Variants in LYST observed in about 807,000 individuals in gnomAD.
LYST encodes the protein lysosomal trafficking regulator.
In LYST, 192 loss-of-function variants were observed where a neutral mutation model predicts 413.6. The ratio of observed to expected loss-of-function variants is 0.46; its 90% CI spans 0.41 to 0.52. LYST has a LOEUF of 0.52. Ranked by LOEUF, LYST falls within the 20% of genes least tolerant of loss-of-function variation. LYST has a pLI of 0.00. For missense variants in LYST, 3,815 were observed against 4,499.9 expected (o/e 0.85, Z 4.35); for synonymous variants, 1,525 against 1,567.3 (o/e 0.97, Z 0.64).
rs749457634 is a variant in LYST at position 235,806,407 on chromosome 1, C to T, written c.2729G>A (p.Ser910Asn). The T allele has an allele frequency of 2.0e-5, 33 of 1,613,912 alleles. No homozygotes were observed. The highest frequency in any genetic ancestry group is 2.7e-5 in the African/African-American group (2 of 74,904). ...CTCCCTGTCAGACTCTGCTTCTTTA[C>T]TTACGCATAAAAAAGCCACACAGAG... The part of the protein sequence containing the change: ...LFLCVAFLCV[S>N]KEAESDRESA... Residue 910 changes from serine (S) to asparagine (N), a missense_variant, in exon 6 of 53, where the codon AGT (serine) becomes AAT (asparagine). This residue lies in a region of LYST where 1,648 missense variants were observed against 1,810.3 expected (regional missense o/e 0.91). Coordinates refer to ENST00000389793, the MANE Select transcript of LYST (RefSeq NM_000081.4).
intron 2 of LYST, among the ~76,000 whole-genome samples, chr1:235,832,840 C>T (rs1676138526): frequency 6.6e-6 from 1 of 151,952 alleles, no homozygotes; most frequent in Admixed American, 6.6e-5. Flanking sequence ...TAGGTTTACT[C>T]CAAGGCGCTT....
At chr1:235,793,719 T>G (rs1483360973) in intron 10 of LYST, 107 bp from the exon 11 acceptor site, 4 of 625,414 alleles carry the variant, frequency 6.4e-6, no homozygotes, top group Non-Finnish European at 1.2e-5. Flanking sequence ...TTTGAATGGA[T>G]TATAAAAAAT....
intron 50 of LYST, among the ~76,000 whole-genome samples, chr1:235,673,382 C>T (rs1659116372): frequency 6.6e-6 from 1 of 152,128 alleles, no homozygotes; most frequent in Non-Finnish European, 1.5e-5. Context: ...TACCTCTGCC[C>T]CTCCAGGGAA....
chr1:235,838,205 A>C (rs1012621115), intron 1 of LYST, among the ~76,000 whole-genome samples: 2 of 152,216 alleles, frequency 1.3e-5, no homozygotes, highest in African/African-American at 4.8e-5. Context: ...GGAGGTGTTA[A>C]ACTGATGAGT....
At chr1:235,748,274 T>C (rs1666118534) in intron 28 of LYST, among the ~76,000 whole-genome samples, 1 of 152,168 alleles carries the variant, frequency 6.6e-6, no homozygotes, top group South Asian at 2.1e-4. Context: ...TGACTACTTC[T>C]ACCTTCATGC....
intron 47 of LYST, among the ~76,000 whole-genome samples, chr1:235,690,899 T>G (rs1039106568): frequency 6.7e-6 from 1 of 149,610 alleles, no homozygotes; most frequent in African/African-American, 2.5e-5. Context: ...CATGGTATTT[T>G]ACAGTTTACA....
intron 3 of LYST, among the ~76,000 whole-genome samples, chr1:235,823,067 T>C (rs1674936590): frequency 6.6e-6 from 1 of 152,222 alleles, no homozygotes; most frequent in African/African-American, 2.4e-5. Context: ...AAATCATTGT[T>C]TTATGCCACT....
rs532636881 is a variant in LYST, at chr1:235,725,391, G to A, written c.9163-1211C>T. Among the ~76,000 whole-genome samples, 34 of 152,094 alleles carry A rather than the reference G, an allele frequency of 2.2e-4. No homozygotes were observed. The South Asian group carries it at 6.7e-3, about 30-fold the overall frequency. On this transcript the variant is annotated intron_variant, in intron 38 of 52. Transcript: ENST00000389793. ...GGAGGTTTTGGTGAGCCGAGATCAC[G>A]CCACTGCACTCCAGCCTCAGTGACA... is the stretch of plus-strand genomic sequence containing the variant.
intron 1 of LYST, among the ~76,000 whole-genome samples, chr1:235,866,209 C>T (rs1196039131): frequency 6.6e-6 from 1 of 152,170 alleles, no homozygotes; most frequent in African/African-American, 2.4e-5. Context: ...AGTCAGGCTC[C>T]AGTGATACCG....
chr1:235,805,250 C>T (rs531637532), intron 6 of LYST, among the ~76,000 whole-genome samples: 25 of 152,272 alleles, frequency 1.6e-4, no homozygotes, highest in African/African-American at 6.0e-4. Flanking sequence ...TAGGAGAAGT[C>T]TCGTCCCAGC....
At position 235,693,473 on chromosome 1, in the gene LYST, C is replaced by G; in HGVS notation, c.10578G>C (p.Met3526Ile). ...TYSKEQGVRS[M>I]NSTDIQWSAI... is the part of the protein sequence containing the mutation. ...CTGACCACTGAATGTCCGTACTGTT[C>G]ATGCTTCTCACACCTCAAGGAGAAG... The change falls in exon 47 of 53, where the codon ATG becomes ATC. Residue 3526 changes from methionine (M) to isoleucine (I), a missense_variant. Coordinates refer to ENST00000389793, the MANE Select transcript of LYST (RefSeq NM_000081.4). 1.2e-6 allele frequency: 2 copies of G among 1,614,060 alleles called. No individual in the cohort carries two copies. The highest frequency in any genetic ancestry group is 1.7e-6 in the Non-Finnish European group (2 of 1,179,924).
intron 1 of LYST, among the ~76,000 whole-genome samples, chr1:235,863,489 C>T (rs570891213): frequency 1.9e-4 from 28 of 150,430 alleles, no homozygotes; most frequent in African/African-American, 6.1e-4. Context: ...GAACTTAAGC[C>T]GGCAACCAGA....
chr1:235,733,437 T>A, intron 34 of LYST, 66 bp downstream of exon 34: 1 of 1,367,408 alleles, frequency 7.3e-7, no homozygotes, highest in South Asian at 1.2e-5. Context: ...GGAATACAAA[T>A]TCCGTTTAAC....
In LYST at chr1:235,687,676, C is replaced by G. The variant is rs139772905; in HGVS notation, c.10702-629G>C. Among the ~76,000 whole-genome samples, 501 of 152,218 alleles carry G rather than the reference C, an allele frequency of 3.3e-3. 4 individuals carry two copies. The highest frequency in any genetic ancestry group is 4.4e-3 in the Non-Finnish European group (296 of 68,006). On this transcript the variant is annotated intron_variant, in intron 47 of 52. Coordinates refer to ENST00000389793, the MANE Select transcript of LYST (RefSeq NM_000081.4). The stretch of plus-strand genomic sequence containing the variant: ...GCTAGCTGACCCCCACCCTGAGCAC[C>G]ATGTCCGCAGCAACTGTCCCCAACT...
At chr1:235,728,199 A>G (rs1664064530) in intron 37 of LYST, 68 bp from the exon 38 acceptor site, 3 of 1,127,090 alleles carry the variant, frequency 2.7e-6, no homozygotes, top group Non-Finnish European at 4.1e-6. Flanking sequence ...GGTTTAATGC[A>G]TGGTCTCTGG....
chr1:235,825,413 A>G (rs964592814), intron 3 of LYST, among the ~76,000 whole-genome samples: 17 of 152,232 alleles, frequency 1.1e-4, no homozygotes, highest in Admixed American at 9.8e-4. Flanking sequence ...TCATTCACAG[A>G]TGACATCATT....
intron 40 of LYST, among the ~76,000 whole-genome samples, chr1:235,717,999 G>A (rs1429067270): frequency 6.6e-6 from 1 of 151,566 alleles, no homozygotes; most frequent in African/African-American, 2.4e-5. Context: ...AAGTAGCTGG[G>A]ACTACAGGCA....
chr1:235,806,839 T>TATTA, intron 5 of LYST, 67 bp from the exon 6 acceptor site: 1 of 968,662 alleles, frequency 1.0e-6, no homozygotes, highest in Non-Finnish European at 1.6e-6. Context: ...TAGGTACATA[T>TATTA]AATATTTAAT....
chr1:235,755,421 AAGAAAAG>A, intron 25 of LYST, 50 bp downstream of exon 25: 1 of 1,432,438 alleles, frequency 7.0e-7, no homozygotes, highest in Non-Finnish European at 9.8e-7. Flanking sequence ...AAGAAAAGAA[AAGAAAAG>A]AAAAAAGACA....
Sources: allele counts gnomAD v4.1 joint callset (sites outside exome capture counted in the v4.1 genomes callset), GRCh38; gene constraint gnomAD v4.1.1; regional missense constraint gnomAD v4.1.1; transcripts MANE v1.5; gene names NCBI Gene and HGNC (gene_info 2026-07-23, HGNC 2026-07-21).